KIRREL3: variants seen among roughly 807,000 people sequenced by gnomAD.
KIRREL3 encodes the protein kirre like nephrin family adhesion molecule 3, also known as kin of IRRE-like protein 3.
Under a neutral mutation model 89.7 loss-of-function variants are expected in KIRREL3, and 36 were observed. The ratio of observed to expected loss-of-function variants is 0.40; its 90% CI spans 0.31 to 0.53. The LOEUF (loss-of-function observed/expected upper bound fraction) is 0.53. Among genes scored for constraint, KIRREL3 ranks in the 20% least tolerant of loss-of-function variants. The pLI is 0.49. For synonymous variants in KIRREL3, 445 were observed against 441.4 expected, an observed-to-expected ratio of 1.01 and a Z score of -0.10; for missense variants, 864 against 1,056.6, an observed-to-expected ratio of 0.82 and a Z score of 2.53.
chr11:126,473,492 AG>A, intron 4 of KIRREL3, 26 bp from the exon 5 acceptor site: 1 of 1,512,700 alleles, frequency 6.6e-7, no homozygotes, highest in South Asian at 1.3e-5. Context: ...CAGTGAGGTC[AG>A]GCCGAGGCTC....
rs935066330 is a variant in KIRREL3 at position 126,523,466 on chromosome 11, C to T, written c.284-2002G>A. Among the ~76,000 whole-genome samples the T allele has an allele frequency of 6.6e-6, 1 of 152,110 alleles. No homozygotes were observed. The highest frequency in any genetic ancestry group is 2.4e-5 in the African/African-American group (1 of 41,418). On this transcript the variant is annotated intron_variant, in intron 3 of 16. Transcript: ENST00000525144. The surrounding 1 kb of genome is among the most constrained non-coding windows in gnomAD (Gnocchi z 4.9). ...GGAGTGCTTCCTGTGCAGCTGGGCCCTTCAGACTCATGTCTTCATGGCTAC... is the reference window on the plus strand; with the variant it reads ...GGAGTGCTTCCTGTGCAGCTGGGCCTTTCAGACTCATGTCTTCATGGCTAC...
At chr11:126,631,833 C>G (rs947511272) in intron 1 of KIRREL3, among the ~76,000 whole-genome samples, 4 of 152,202 alleles carry the variant, frequency 2.6e-5, no homozygotes, top group Non-Finnish European at 5.9e-5. Flanking sequence ...TATAACTTCT[C>G]CAGAGTCAGG....
chr11:126,556,390 T>G (rs1298907546), intron 2 of KIRREL3, among the ~76,000 whole-genome samples: 2 of 152,120 alleles, frequency 1.3e-5, no homozygotes, highest in East Asian at 3.9e-4. Flanking sequence ...TCTGTAATCC[T>G]AGCACTTTGG....
chr11:126,557,598 C>T lies in KIRREL3; in HGVS notation c.133+5237G>A, dbSNP rs570449161. 6.6e-6 allele frequency among the ~76,000 whole-genome samples: 1 copy of T among 152,170 alleles called. No homozygotes were observed. The highest frequency in any genetic ancestry group is 6.5e-5 in the Admixed American group (1 of 15,276). ...CACTACACATCCCAGCTGTGGGGCA[C>T]CTCTCTTTCTATACGAGGAAACAGT... On this transcript the variant is annotated intron_variant, in intron 2 of 16. Transcript: ENST00000525144. The surrounding 1 kb of genome is among the most constrained non-coding windows in gnomAD (Gnocchi z 5.6).
intron 7 of KIRREL3, among the ~76,000 whole-genome samples, chr11:126,451,473 CAT>C (rs758049215): frequency 8.0e-6 from 1 of 124,694 alleles, no homozygotes; most frequent in African/African-American, 3.3e-5. Context: ...TGGGCATGTG[CAT>C]GTGTGTGTGC....
chr11:126,442,758 C>T (rs1468216660), intron 10 of KIRREL3, among the ~76,000 whole-genome samples: 2 of 152,246 alleles, frequency 1.3e-5, no homozygotes, highest in Non-Finnish European at 2.9e-5. Context: ...AGGTCTGGTG[C>T]GCTCCCCTCC....
At chr11:126,592,186 C>T (rs183081141) in intron 1 of KIRREL3, among the ~76,000 whole-genome samples, 58 of 152,270 alleles carry the variant, frequency 3.8e-4, no homozygotes, top group Admixed American at 1.1e-3. Context: ...AGGTACTTTC[C>T]GAACAGTTAT....
At chr11:126,436,768 G>A (rs1362775609) in intron 12 of KIRREL3, 43 bp downstream of exon 12, 1 of 1,608,442 alleles carries the variant, frequency 6.2e-7, no homozygotes, top group Non-Finnish European at 8.5e-7. Context: ...GGGCCCTCTG[G>A]TTCCATCGTT....
In KIRREL3 at chr11:126,516,831, G is replaced by A. The variant is rs958948520; in HGVS notation, c.433+4484C>T. On this transcript the variant is annotated intron_variant, in intron 4 of 16. Coordinates refer to ENST00000525144, the MANE Select transcript of KIRREL3 (RefSeq NM_032531.4). The surrounding 1 kb of genome is among the most constrained non-coding windows in gnomAD (Gnocchi z 4.9). ...TTAAAATACAGGCGGGGTGGCTCAC[G>A]CTTGTAATCCCAGCACTTTGGGAGG... 6.6e-6 allele frequency among the ~76,000 whole-genome samples: 1 copy of A among 152,158 alleles called. No homozygotes were observed. Among genetic ancestry groups the A allele is most frequent in the African/African-American group, 2.4e-5 (1 of 41,440 alleles).
rs749220244 is a variant in KIRREL3, at chr11:126,520,342, G to C, written c.433+973C>G. Among the ~76,000 whole-genome samples, 1 of 152,160 alleles carries C rather than the reference G, an allele frequency of 6.6e-6. No homozygotes were observed. The highest frequency in any genetic ancestry group is 2.1e-4 in the South Asian group (1 of 4,834). On this transcript the variant is annotated intron_variant, in intron 4 of 16. Transcript: ENST00000525144. The surrounding 1 kb of genome is among the most constrained non-coding windows in gnomAD (Gnocchi z 4.9). ...ACAGACTCACGTGTAAGGGGGCAGC[G>C]AGGTGGGGCAGGTAGCCCTGGAGCC...
chr11:126,953,167 G>A lies in KIRREL3; in HGVS notation c.55+47288C>T, dbSNP rs143324352. Among the ~76,000 whole-genome samples, 957 of 152,296 alleles carry A rather than the reference G, an allele frequency of 6.3e-3. 14 individuals are homozygous for A. Among genetic ancestry groups the A allele is most frequent in the African/African-American group, 0.022 (903 of 41,550 alleles). On this transcript the variant is annotated intron_variant, in intron 1 of 16. Transcript: ENST00000525144. This position sits in a 1 kb window ranked among gnomAD's most constrained non-coding sequence, Gnocchi z 5.2. ...TCTATGCAGCCATAAAAAAGAATGAGTTCATGTCCTTTGCAGGGATATGGA... is the reference window on the plus strand; with the variant it reads ...TCTATGCAGCCATAAAAAAGAATGAATTCATGTCCTTTGCAGGGATATGGA...
chr11:126,499,374 T>G (rs1193550907), intron 4 of KIRREL3, among the ~76,000 whole-genome samples: 1 of 152,168 alleles, frequency 6.6e-6, no homozygotes, highest in Non-Finnish European at 1.5e-5. Flanking sequence ...CCCTACTTAC[T>G]TTCTGTTAAC....
In KIRREL3 at chr11:126,562,931, TG is replaced by T; in HGVS notation, c.56-20del. 1 of 1,605,262 alleles carries T rather than the reference TG, an allele frequency of 6.2e-7. No homozygotes were observed. The highest frequency in any genetic ancestry group is 1.3e-5 in the African/African-American group (1 of 74,838). ...CCCAGCTCTGGAAGAGAAGCATAGG[TG>T]GGTGAGTTGGGAATGGGAACAGGTC... On this transcript the variant is annotated intron_variant, in intron 1 of 16. Coordinates refer to ENST00000525144, the MANE Select transcript of KIRREL3 (RefSeq NM_032531.4). This position sits in a 1 kb window ranked among gnomAD's most constrained non-coding sequence, Gnocchi z 4.7.
rs1950073346 is a variant in KIRREL3 at position 126,773,276 on chromosome 11, G to A, written c.56-210364C>T. 6.6e-6 allele frequency among the ~76,000 whole-genome samples: 1 copy of A among 152,202 alleles called. No homozygotes were observed. Among genetic ancestry groups the A allele is most frequent in the Admixed American group, 6.5e-5 (1 of 15,284 alleles). On this transcript the variant is annotated intron_variant, in intron 1 of 16. Transcript: ENST00000525144. This position sits in a 1 kb window ranked among gnomAD's most constrained non-coding sequence, Gnocchi z 4.2. ...ACACTCTTGAATCAGGGGACTGAGT[G>A]AAGTCAATACAGTGTGGGTCGGCTT...
chr11:126,853,127 TTCAA>T (rs1206535657), intron 1 of KIRREL3, among the ~76,000 whole-genome samples: 2 of 152,208 alleles, frequency 1.3e-5, no homozygotes, highest in African/African-American at 4.8e-5. Flanking sequence ...TGCTATCAAT[TTCAA>T]TCAAACTGTG....
chr11:126,914,280 G>A (rs1335163733), intron 1 of KIRREL3, among the ~76,000 whole-genome samples: 1 of 152,144 alleles, frequency 6.6e-6, no homozygotes, highest in East Asian at 1.9e-4. Context: ...ACATTTCCTG[G>A]GCTAGGTTAC....
intron 10 of KIRREL3, among the ~76,000 whole-genome samples, chr11:126,444,085 A>G (rs1261193409): frequency 6.6e-6 from 1 of 152,124 alleles, no homozygotes; most frequent in Non-Finnish European, 1.5e-5. Flanking sequence ...ATGACTGTCT[A>G]CACCCCATCA....
rs1271132487 is a variant in KIRREL3 at position 126,563,290 on chromosome 11, G to A, written c.56-378C>T. ...TTGAGGCCCTTTGTATCTCAGGCTT[G>A]GGGACTATGCTCAGATCAACTTGGG... On this transcript the variant is annotated intron_variant, in intron 1 of 16. Coordinates refer to ENST00000525144, the MANE Select transcript of KIRREL3 (RefSeq NM_032531.4). The surrounding 1 kb of genome is among the most constrained non-coding windows in gnomAD (Gnocchi z 6.8). Among the ~76,000 whole-genome samples, 1 of 152,138 alleles carries A rather than the reference G, an allele frequency of 6.6e-6. No homozygotes were observed. The highest frequency in any genetic ancestry group is 2.4e-5 in the African/African-American group (1 of 41,434).
rs1956312368 is a variant in KIRREL3, at chr11:126,455,680, C to A, written c.848+669G>T. Among the ~76,000 whole-genome samples the A allele has an allele frequency of 6.6e-6, 1 of 151,988 alleles. No individual in the cohort carries two copies. Reference sequence around the variant, plus strand: ...GCGTGGTGGCGGGCGCCTGTAGTCCCAGCTACTTGGGAGGCTGAGGCGGGA... The same window carrying A: ...GCGTGGTGGCGGGCGCCTGTAGTCCAAGCTACTTGGGAGGCTGAGGCGGGA... On this transcript the variant is annotated intron_variant, in intron 7 of 16. Transcript: ENST00000525144. The surrounding 1 kb of genome is among the most constrained non-coding windows in gnomAD (Gnocchi z 6.4).
Sources: allele counts gnomAD v4.1 joint callset (sites outside exome capture counted in the v4.1 genomes callset), GRCh38; gene constraint gnomAD v4.1.1; non-coding constraint Gnocchi (gnomAD v3.1); transcripts MANE v1.5; gene names NCBI Gene and HGNC (gene_info 2026-07-23, HGNC 2026-07-21).